The following UPF3B variants were observed in gnomAD, a reference collection of about 807,000 sequenced individuals.
UPF3B encodes regulator of nonsense transcripts 3B.
UPF3B carries 7 observed loss-of-function variants against 40.3 expected under a neutral mutation model. The ratio of observed to expected loss-of-function variants is 0.17; its 90% CI spans 0.10 to 0.33. The LOEUF is 0.33. Ranked by LOEUF, UPF3B falls within the 10% of genes least tolerant of loss-of-function variation. UPF3B has a pLI of 1.00. For synonymous variants in UPF3B, 117 were observed against 117.3 expected, an observed-to-expected ratio of 1.00 and a Z score of 0.01; for missense variants, 229 against 358.9, an observed-to-expected ratio of 0.64 and a Z score of 2.93.
rs2056158345 is a variant in UPF3B, at chrX:119,841,270, C to G, written c.625-12G>C. ...TCTTCTCTCATTCTCTAGAAAGAAA[C>G]ATCAACACAAGCCTTCAAATAAAAT... On this transcript the variant is annotated splice_polypyrimidine_tract_variant and intron_variant, in intron 6 of 10. Transcript: ENST00000276201. 2.5e-6 allele frequency: 3 copies of G among 1,202,472 alleles called. No individual in the cohort carries two copies. Among genetic ancestry groups the G allele is most frequent in the African/African-American group, 3.5e-5 (2 of 57,526 alleles).
chrX:119,835,821 T>G (rs2056085339), intron 10 of UPF3B, among the ~76,000 whole-genome samples: 1 of 110,241 alleles, frequency 9.1e-6, no homozygotes, highest in Admixed American at 9.7e-5. Context: ...ACAAAAAAAC[T>G]TAAAAATTAG....
intron 5 of UPF3B, chrX:119,807,691 A>T: frequency 2.7e-6 from 1 of 371,015 alleles, no homozygotes; most frequent in Non-Finnish European, 3.5e-6. Flanking sequence ...CAGTAATTTA[A>T]GACCAAAAAT....
Position 119,836,781 on chromosome X carries a change from G to A in UPF3B, c.1302+976C>T, listed in dbSNP as rs1208569332. ...TTTTCCTGCCTCAGCCTCCCGAGTA[G>A]CTGGGACTACAGGCGCCCGCCACCA... On this transcript the variant is annotated intron_variant, in intron 10 of 10. Transcript: ENST00000276201. Among the ~76,000 whole-genome samples, 3 of 108,042 alleles carry A rather than the reference G, an allele frequency of 2.8e-5. No homozygotes were observed. In the East Asian group the frequency reaches 8.7e-4, roughly 31 times the overall value. 93.8% of individuals were successfully genotyped at this position (108,042 alleles called of 115,157 possible). A position where few individuals can be genotyped will look rare whatever the true frequency, so the allele number is the denominator to read the frequency against.
At chrX:119,846,386 G>A (rs1375394172) in intron 3 of UPF3B, among the ~76,000 whole-genome samples, 6 of 106,881 alleles carry the variant, frequency 5.6e-5, no homozygotes, top group Admixed American at 2.0e-4. Context: ...AAATTAGCCA[G>A]GCGTGATAGT....
chrX:119,828,707 C>G (rs1430588931), intron 3 of UPF3B, among the ~76,000 whole-genome samples: 1 of 108,456 alleles, frequency 9.2e-6, no homozygotes, highest in Non-Finnish European at 1.9e-5. Context: ...TAGGAACTTA[C>G]TGCACATCAT....
At chrX:119,815,647 A>T (rs761207428) in intron 4 of UPF3B, among the ~76,000 whole-genome samples, 17 of 111,708 alleles carry the variant, frequency 1.5e-4, no homozygotes, top group Admixed American at 1.2e-3. Flanking sequence ...GCTTCCTAGT[A>T]GCTGGAATTG....
chrX:119,830,102 TAA>T (rs1169013425), downstream of UPF3B, among the ~76,000 whole-genome samples: 2 of 111,643 alleles, frequency 1.8e-5, no homozygotes, highest in African/African-American at 3.3e-5. Context: ...TGAGGAAACA[TAA>T]AGTTATTTAG....
intron 3 of UPF3B, among the ~76,000 whole-genome samples, chrX:119,848,573 G>T (rs2056263164): frequency 9.0e-6 from 1 of 111,577 alleles, no homozygotes; most frequent in Admixed American, 9.6e-5. Flanking sequence ...TAATGCTACT[G>T]AACTGTACAC....
In UPF3B at chrX:119,824,922, A is replaced by G. The variant is rs138011609; in HGVS notation, c.393-1879T>C. ...GCTGGGACTACAGGTGTGCACCACC[A>G]TGCCCGGCTAATTTTTCTATTTTTG... On this transcript the variant is annotated intron_variant, in intron 3 of 6. Coordinates refer to the UPF3B transcript ENST00000636792. Among the ~76,000 whole-genome samples the G allele has an allele frequency of 2.8e-3, 302 of 109,138 alleles. 1 individual carries two copies. Among genetic ancestry groups the G allele is most frequent in the Middle Eastern group, 9.3e-3 (2 of 216 alleles). The allele number at this position is 109,138 out of a possible 115,157, so 94.8% of individuals were successfully genotyped here.
At chrX:119,816,992 C>T (rs5957256) in intron 4 of UPF3B, among the ~76,000 whole-genome samples, 4,127 of 110,644 alleles carry the variant, frequency 0.037, 204 homozygotes, top group African/African-American at 0.13. Flanking sequence ...AAATATGTGA[C>T]GTAGTCTCGC....
At chrX:119,807,027 TAA>T (rs1191950024) in intron 6 of UPF3B, among the ~76,000 whole-genome samples, 1,962 of 21,121 alleles carry the variant, frequency 0.093, 10 homozygotes, top group East Asian at 0.21. Context: ...AGACCCTGTC[TAA>T]AAAAAAAAAA....
intron 3 of UPF3B, among the ~76,000 whole-genome samples, chrX:119,845,954 T>A (rs145538197): frequency 0.022 from 2,387 of 109,794 alleles, 69 homozygotes; most frequent in African/African-American, 0.077. Context: ...TATGTATACA[T>A]TATGTATACA....
intron 4 of UPF3B, among the ~76,000 whole-genome samples, chrX:119,818,956 G>C (rs1188153676): frequency 9.0e-6 from 1 of 110,915 alleles, no homozygotes; most frequent in Non-Finnish European, 1.9e-5. Flanking sequence ...AGCAAAACTG[G>C]ACTGGCCAAG....
chrX:119,835,078 A>G, intron 10 of UPF3B, 51 bp from the exon 11 acceptor site: 1 of 1,186,228 alleles, frequency 8.4e-7, no homozygotes. Context: ...CTAAGCTTTT[A>G]TATGGGATTT....
At chrX:119,842,762 AC>A (rs2056182908) in intron 5 of UPF3B, among the ~76,000 whole-genome samples, 2 of 111,809 alleles carry the variant, frequency 1.8e-5, no homozygotes, top group Non-Finnish European at 3.8e-5. Flanking sequence ...AGCTACTGAT[AC>A]AGTAGTGACA....
At chrX:119,813,564 C>CTTTTTT (rs572653123) in intron 5 of UPF3B, among the ~76,000 whole-genome samples, 1 of 99,286 alleles carries the variant, frequency 1.0e-5, no homozygotes, top group Non-Finnish European at 2.1e-5. Context: ...TTTTTCTTTT[C>CTTTTTT]TTTTTTTTTT....
intron 4 of UPF3B, among the ~76,000 whole-genome samples, chrX:119,822,331 G>C (rs1026254991): frequency 8.9e-6 from 1 of 112,336 alleles, no homozygotes; most frequent in African/African-American, 3.2e-5. Flanking sequence ...AAGCGACTCT[G>C]CTCCACCAAA....
chrX:119,849,764 T>C (rs1272581070), intron 3 of UPF3B, among the ~76,000 whole-genome samples: 2 of 110,727 alleles, frequency 1.8e-5, no homozygotes, highest in African/African-American at 3.3e-5. Context: ...GACTGAATTA[T>C]ACAAGAATGA....
At chrX:119,829,720 G>C (rs1376751695), downstream of UPF3B, among the ~76,000 whole-genome samples, 1 of 111,602 alleles carries the variant, frequency 9.0e-6, no homozygotes, top group East Asian at 2.8e-4. Flanking sequence ...CTGGGCCCTA[G>C]GTCTGCTTCT....
Sources: allele counts gnomAD v4.1 joint callset (sites outside exome capture counted in the v4.1 genomes callset), GRCh38; gene constraint gnomAD v4.1.1; transcripts MANE v1.5; gene names NCBI Gene and HGNC (gene_info 2026-07-23, HGNC 2026-07-21).